The following CHL1 variants were observed in gnomAD, a reference collection of about 807,000 sequenced individuals.
CHL1 encodes neural cell adhesion molecule L1-like protein.
In CHL1, 96 loss-of-function variants were observed where a neutral mutation model predicts 141.9. The observed-to-expected ratio is 0.68, with a 90% CI of 0.57 to 0.80. The LOEUF (loss-of-function observed/expected upper bound fraction) is 0.80. Ranked by LOEUF, CHL1 falls within the 30% of genes least tolerant of loss-of-function variation. The pLI is 0.00. For missense variants in CHL1, 1,820 were observed against 1,457.2 expected (o/e 1.25, Z -4.05); for synonymous variants, 613 against 502.2 (o/e 1.22, Z -2.95).
rs189883846 is a variant in CHL1 at position 376,066 on chromosome 3, G to A, written c.1752-1752G>A. Among the ~76,000 whole-genome samples the A allele has an allele frequency of 1.3e-4, 20 of 152,282 alleles. No homozygotes were observed. In the East Asian group the frequency reaches 2.7e-3, roughly 21 times the overall value. ...CAAACAGAGGAAAAGATTGGGGCAC[G>A]AAGATGTGAAGAGGTTTTTAGCTTC... On this transcript the variant is annotated intron_variant, in intron 15 of 27. Transcript: ENST00000256509.
intron 5 of CHL1, among the ~76,000 whole-genome samples, chr3:338,864 G>C (rs1318647611): frequency 1.3e-5 from 2 of 152,158 alleles, no homozygotes; most frequent in African/African-American, 4.8e-5. Context: ...GGATGATAAT[G>C]CTTCAGTGGC....
At chr3:332,730 G>C (rs895044102) in intron 5 of CHL1, among the ~76,000 whole-genome samples, 2 of 152,156 alleles carry the variant, frequency 1.3e-5, no homozygotes, top group Non-Finnish European at 2.9e-5. Context: ...TTCTGGATTA[G>C]AAAGTATTGC....
At chr3:394,950 A>G (rs1007245002) in intron 24 of CHL1, 78 bp downstream of exon 24, 10 of 1,181,938 alleles carry the variant, frequency 8.5e-6, no homozygotes, top group Non-Finnish European at 1.2e-5. Context: ...CACTGAAAGG[A>G]AAGCACCGTG....
intron 2 of CHL1, chr3:309,426 CTT>C (rs1699561250): frequency 1.3e-5 from 2 of 149,026 alleles, no homozygotes; most frequent in Admixed American, 6.7e-5. Context: ...TTTTCTTCCT[CTT>C]TCTTTCTCTT....
At chr3:341,106 A>G (rs551591721) in intron 6 of CHL1, among the ~76,000 whole-genome samples, 190 bp downstream of exon 6, 4 of 152,218 alleles carry the variant, frequency 2.6e-5, no homozygotes, top group Non-Finnish European at 5.9e-5. Flanking sequence ...CAAACAGTGC[A>G]CTTACCTTTG....
At chr3:272,328 T>C (rs1695706860) in intron 2 of CHL1, among the ~76,000 whole-genome samples, 1 of 152,204 alleles carries the variant, frequency 6.6e-6, no homozygotes, top group African/African-American at 2.4e-5. Flanking sequence ...GTCATTATGG[T>C]ATACTTTGTT....
intron 2 of CHL1, among the ~76,000 whole-genome samples, chr3:300,218 A>C (rs1329934918): frequency 6.6e-6 from 1 of 152,228 alleles, no homozygotes; most frequent in Non-Finnish European, 1.5e-5. Context: ...TATCAGTTTG[A>C]ATCACTACAG....
At chr3:231,446 G>C (rs540889571) in intron 1 of CHL1, among the ~76,000 whole-genome samples, 3 of 152,068 alleles carry the variant, frequency 2.0e-5, no homozygotes, top group African/African-American at 7.2e-5. Context: ...GTTGAACTAA[G>C]TTTCAAAGTT....
At position 408,192 on chromosome 3, in the gene CHL1, G is replaced by T. The variant is rs1044289852; in HGVS notation, c.*2481G>T. The T allele has an allele frequency of 6.6e-6, 1 of 152,090 alleles. No individual in the cohort carries two copies. The highest frequency in any genetic ancestry group is 6.6e-5 in the Admixed American group (1 of 15,252). The allele number at this position is 152,090 out of a possible 1,614,324, so 9.4% of individuals were successfully genotyped here. On this transcript the variant is annotated 3_prime_UTR_variant, in exon 28 of 28. Transcript: ENST00000256509. Reference sequence around the variant, plus strand: ...TGGTAATTATAAATTGGTGATGCTTGTTTGCAAATTGCCCACTCGTGATAA... The same window carrying T: ...TGGTAATTATAAATTGGTGATGCTTTTTTGCAAATTGCCCACTCGTGATAA...
At chr3:388,947 T>C (rs538294873) in intron 19 of CHL1, among the ~76,000 whole-genome samples, 1 of 152,380 alleles carries the variant, frequency 6.6e-6, no homozygotes, top group South Asian at 2.1e-4. Context: ...TAAAACACTT[T>C]GTGGAATTTC....
intron 2 of CHL1, among the ~76,000 whole-genome samples, chr3:312,946 G>C (rs952214249): frequency 6.6e-6 from 1 of 152,180 alleles, no homozygotes; most frequent in Non-Finnish European, 1.5e-5. Flanking sequence ...CAAGCATCCT[G>C]AGTAGAAAAA....
rs9811117 is a variant in CHL1, at chr3:349,681, A to G, written c.1033+138A>G. Reference sequence around the variant, plus strand: ...TTAATTGTAGTGCGGGCATTGAATTATATTACACTTCAACTAAGCAGGTTT... The same window carrying G: ...TTAATTGTAGTGCGGGCATTGAATTGTATTACACTTCAACTAAGCAGGTTT... On this transcript the variant is annotated intron_variant, in intron 10 of 27. Coordinates refer to ENST00000256509, the MANE Select transcript of CHL1 (RefSeq NM_006614.4). 5.5e-3 allele frequency: 3,869 copies of G among 705,624 alleles called. 108 individuals carry two copies. In the African/African-American group the frequency reaches 0.062, roughly 11 times the overall value. The allele number at this position is 705,624 out of a possible 1,614,324, so 43.7% of individuals were successfully genotyped here.
intron 27 of CHL1, among the ~76,000 whole-genome samples, chr3:402,314 G>A (rs1709209976): frequency 6.6e-6 from 1 of 152,256 alleles, no homozygotes; most frequent in Admixed American, 6.5e-5. Flanking sequence ...AATGAGTGAG[G>A]GTGTGTCGGG....
chr3:382,642 C>T lies in CHL1; in HGVS notation c.2147C>T (p.Pro716Leu), dbSNP rs575804240. 2.3e-5 allele frequency: 37 copies of T among 1,613,676 alleles called. No individual in the cohort carries two copies. Among genetic ancestry groups the T allele is most frequent in the African/African-American group, 6.7e-5 (5 of 74,976 alleles). Residue 716 changes from proline to leucine, a missense_variant, in exon 18 of 28, where the codon CCG (proline) becomes CTG (leucine). Coordinates refer to ENST00000256509, the MANE Select transcript of CHL1 (RefSeq NM_006614.4). ...GTAGGGAGAAGTCAGCCTAGCCAGC[C>T]GTCAGACCATCATGAAACACCACCA... ...NEVGRSQPSQ[P>L]SDHHETPPAA...
intron 2 of CHL1, among the ~76,000 whole-genome samples, chr3:281,497 A>G (rs939792860): frequency 1.3e-5 from 2 of 151,388 alleles, no homozygotes; most frequent in African/African-American, 2.4e-5. Context: ...TCTGTCTTAA[A>G]GTCTACTTTG....
intron 5 of CHL1, among the ~76,000 whole-genome samples, chr3:331,826 G>A (rs1453819897): frequency 1.3e-5 from 2 of 152,168 alleles, no homozygotes; most frequent in East Asian, 1.9e-4. Context: ...ATGTGAAAAT[G>A]TGTTCAACCT....
At chr3:297,348 G>A (rs1206910724) in intron 2 of CHL1, among the ~76,000 whole-genome samples, 1 of 152,160 alleles carries the variant, frequency 6.6e-6, no homozygotes, top group Non-Finnish European at 1.5e-5. Flanking sequence ...CGTAATTTGT[G>A]GAGAGAAAAT....
chr3:345,084 C>T (rs1405193617), intron 9 of CHL1, among the ~76,000 whole-genome samples: 2 of 152,202 alleles, frequency 1.3e-5, no homozygotes, highest in African/African-American at 2.4e-5. Flanking sequence ...CTTCACTCTA[C>T]AGACTTCAGG....
In CHL1 at chr3:243,443, A is replaced by G. The variant is rs531537657; in HGVS notation, c.-174-1170A>G. ...TCCATAAACATTTCTGCTTGTAATA[A>G]TAATGCGGTCAGAAGTAGGCCTTGT... On this transcript the variant is annotated intron_variant, in intron 1 of 27. Coordinates refer to ENST00000256509, the MANE Select transcript of CHL1 (RefSeq NM_006614.4). Among the ~76,000 whole-genome samples, 90 of 152,190 alleles carry G rather than the reference A, an allele frequency of 5.9e-4. 1 individual carries two copies. The highest frequency in any genetic ancestry group is 1.1e-3 in the Non-Finnish European group (77 of 68,028).
Sources: gnomAD v4.1 joint callset for allele counts (sites outside exome capture counted in the v4.1 genomes callset) on GRCh38, gnomAD v4.1.1 for gene constraint, MANE v1.5 for transcripts, NCBI Gene and HGNC (gene_info 2026-07-23, HGNC 2026-07-21) for gene names.